SYT14: variants seen among roughly 807,000 people sequenced by gnomAD.
The protein encoded by SYT14 is synaptotagmin 14, also known as synaptotagmin-14.
Under a neutral mutation model 74.2 loss-of-function variants are expected in SYT14, and 32 were observed. The ratio of observed to expected loss-of-function variants is 0.43; its 90% CI spans 0.33 to 0.58. The LOEUF is 0.58. SYT14 is among the 20% of genes least tolerant of loss of function. The probability of loss-of-function intolerance (pLI) is 0.05; values close to 1 mark genes in which losing one functional copy is unlikely to be tolerated. For synonymous variants in SYT14, 298 were observed against 337.7 expected (o/e 0.88, Z 1.29); for missense variants, 791 against 981.8 (o/e 0.81, Z 2.60).
chr1:210,007,772 T>C (rs1479994796), intron 2 of SYT14, among the ~76,000 whole-genome samples: 1 of 152,188 alleles, frequency 6.6e-6, no homozygotes, highest in Non-Finnish European at 1.5e-5. Flanking sequence ...GGAGTCAGAA[T>C]GTCTGGATTC....
intron 5 of SYT14, among the ~76,000 whole-genome samples, chr1:210,022,749 T>TA (rs2080329362): frequency 6.6e-6 from 1 of 152,342 alleles, no homozygotes; most frequent in African/African-American, 2.4e-5. Flanking sequence ...TCAGTAAATG[T>TA]AGCCAATTAT....
At chr1:209,947,771 TTGC>T (rs1346284011) in intron 1 of SYT14, among the ~76,000 whole-genome samples, 2 of 152,208 alleles carry the variant, frequency 1.3e-5, no homozygotes, top group Non-Finnish European at 2.9e-5. Context: ...TCAAACAGCA[TTGC>T]ATGCTACAGA....
At chr1:210,154,338 A>G (rs1558226773) in intron 7 of SYT14, among the ~76,000 whole-genome samples, 2 of 152,104 alleles carry the variant, frequency 1.3e-5, no homozygotes, top group African/African-American at 4.8e-5. Context: ...GGGCTAGCGA[A>G]CATTACAGCC....
intron 5 of SYT14, among the ~76,000 whole-genome samples, chr1:210,065,247 T>C (rs1422829959): frequency 2.0e-5 from 3 of 152,106 alleles, no homozygotes; most frequent in Non-Finnish European, 4.4e-5. Context: ...GAATTGTAGT[T>C]CCTGTAATCC....
chr1:210,029,699 C>T (rs562498511), intron 5 of SYT14, among the ~76,000 whole-genome samples: 1 of 152,202 alleles, frequency 6.6e-6, no homozygotes, highest in South Asian at 2.1e-4. Flanking sequence ...AGTTTGAGTC[C>T]TCCAGCTATG....
At chr1:210,153,263 A>G (rs912424216) in intron 7 of SYT14, among the ~76,000 whole-genome samples, 29 of 152,242 alleles carry the variant, frequency 1.9e-4, no homozygotes, top group African/African-American at 6.5e-4. Context: ...CTTTTAGCTC[A>G]TCTGTTTGTT....
At chr1:210,083,121 TA>T (rs11290190) in intron 5 of SYT14, among the ~76,000 whole-genome samples, 52,030 of 151,864 alleles carry the variant, frequency 0.34, 9,860 homozygotes, top group Non-Finnish European at 0.42. Flanking sequence ...GTTGGGATTG[TA>T]GGCATGTGCC....
At chr1:210,065,952 C>A (rs553796566) in intron 5 of SYT14, among the ~76,000 whole-genome samples, 15 of 151,674 alleles carry the variant, frequency 9.9e-5, no homozygotes, top group Non-Finnish European at 1.9e-4. Flanking sequence ...GTTCAATTCC[C>A]ACCTATGAGT....
intron 2 of SYT14, among the ~76,000 whole-genome samples, chr1:210,006,866 A>G (rs2079996621): frequency 6.6e-6 from 1 of 151,838 alleles, no homozygotes; most frequent in African/African-American, 2.4e-5. Context: ...TAGTAGATAA[A>G]TATCCCCCAT....
At chr1:209,952,899 C>A in intron 2 of SYT14, 143 bp downstream of exon 2, 2 of 1,077,638 alleles carry the variant, frequency 1.9e-6, no homozygotes, top group Non-Finnish European at 2.7e-6. Context: ...CAGACTTAAG[C>A]ATTAGTAAAG....
intron 2 of SYT14, among the ~76,000 whole-genome samples, chr1:210,011,782 G>T (rs2080091187): frequency 6.6e-6 from 1 of 152,116 alleles, no homozygotes; most frequent in African/African-American, 2.4e-5. Flanking sequence ...AATGATGGAG[G>T]AAGAAAAGTA....
chr1:210,006,164 A>G (rs1235781608), intron 2 of SYT14, among the ~76,000 whole-genome samples: 1 of 151,916 alleles, frequency 6.6e-6, no homozygotes, highest in Non-Finnish European at 1.5e-5. Flanking sequence ...TGTTACTTCT[A>G]TCAGTAAATG....
At chr1:210,150,578 C>T (rs762164329) in intron 7 of SYT14, among the ~76,000 whole-genome samples, 1 of 152,190 alleles carries the variant, frequency 6.6e-6, no homozygotes, top group Non-Finnish European at 1.5e-5. Flanking sequence ...GCAGCTCTAA[C>T]TTTGCAGCAG....
At chr1:210,059,445 T>TAG (rs1391983771) in intron 5 of SYT14, among the ~76,000 whole-genome samples, 356 of 96,754 alleles carry the variant, frequency 3.7e-3, no homozygotes, top group South Asian at 5.3e-3. Context: ...TATATATATA[T>TAG]ATATATAGAG....
At chr1:210,023,954 A>G (rs1300590236) in intron 5 of SYT14, among the ~76,000 whole-genome samples, 1 of 152,158 alleles carries the variant, frequency 6.6e-6, no homozygotes, top group East Asian at 1.9e-4. Context: ...ACTCCAACAT[A>G]GGTGCATTTA....
intron 5 of SYT14, among the ~76,000 whole-genome samples, chr1:210,026,552 A>C (rs2080415503): frequency 1.3e-5 from 2 of 151,532 alleles, no homozygotes; most frequent in Admixed American, 1.3e-4. Context: ...AGTTAATGTA[A>C]AACCCACTGA....
intron 7 of SYT14, among the ~76,000 whole-genome samples, chr1:210,142,063 T>C (rs747420564): frequency 3.3e-5 from 5 of 152,236 alleles, no homozygotes; most frequent in Non-Finnish European, 7.3e-5. Context: ...CTTATCAATC[T>C]GAGTCAAGTA....
exon 10 of SYT14, chr1:210,164,364 GT>G: frequency 5.5e-6 from 1 of 182,530 alleles, no homozygotes; most frequent in East Asian, 1.5e-4. Flanking sequence ...TGGTAAAGCA[GT>G]TTCATCCAAC....
chr1:210,053,845 T>G (rs1457811500), intron 5 of SYT14, among the ~76,000 whole-genome samples: 1 of 152,164 alleles, frequency 6.6e-6, no homozygotes, highest in Non-Finnish European at 1.5e-5. Context: ...TTTTGTTTGT[T>G]TTTTTACTTT....
Sources: gnomAD v4.1 joint callset for allele counts (sites outside exome capture counted in the v4.1 genomes callset) on GRCh38, gnomAD v4.1.1 for gene constraint, MANE v1.5 for transcripts, NCBI Gene and HGNC (gene_info 2026-07-23, HGNC 2026-07-21) for gene names.